Variants in CNTNAP2 observed in about 807,000 individuals in gnomAD.
CNTNAP2 encodes the protein contactin-associated protein-like 2.
A neutral mutation model predicts 155.2 loss-of-function variants in CNTNAP2; 98 were observed. The ratio of observed to expected loss-of-function variants is 0.63; its 90% CI spans 0.54 to 0.75. CNTNAP2 has a LOEUF of 0.75. Ranked by LOEUF, CNTNAP2 falls within the 30% of genes least tolerant of loss-of-function variation. CNTNAP2 has a pLI of 0.00. For missense variants in CNTNAP2, 1,727 were observed against 1,688.1 expected, an observed-to-expected ratio of 1.02 and a Z score of -0.40; for synonymous variants, 651 against 631.2, an observed-to-expected ratio of 1.03 and a Z score of -0.47.
chr7:148,232,430 A>G (rs544878342), intron 20 of CNTNAP2, among the ~76,000 whole-genome samples: 2 of 152,374 alleles, frequency 1.3e-5, no homozygotes, highest in Admixed American at 6.5e-5. Flanking sequence ...AAATGTTCAC[A>G]GTGATCATCT....
intron 3 of CNTNAP2, among the ~76,000 whole-genome samples, chr7:146,930,963 A>T (rs1305374187): frequency 7.3e-5 from 11 of 151,254 alleles, no homozygotes; most frequent in Non-Finnish European, 1.2e-4. Context: ...ACAAAGAGAC[A>T]TAGACTCCCA....
intron 3 of CNTNAP2, among the ~76,000 whole-genome samples, chr7:146,899,311 A>T (rs1319955263): frequency 6.6e-6 from 1 of 152,152 alleles, no homozygotes; most frequent in East Asian, 1.9e-4. Flanking sequence ...TGCCAACAAG[A>T]CAAGTTTATT....
intron 12 of CNTNAP2, among the ~76,000 whole-genome samples, chr7:147,589,535 T>C (rs1458999101): frequency 6.6e-6 from 1 of 152,168 alleles, no homozygotes; most frequent in Non-Finnish European, 1.5e-5. Flanking sequence ...CTTGATGTAC[T>C]TTGCATAGTT....
At chr7:148,405,584 G>A (rs979151692) in intron 22 of CNTNAP2, among the ~76,000 whole-genome samples, 37 of 135,060 alleles carry the variant, frequency 2.7e-4, no homozygotes, top group African/African-American at 9.5e-4. Flanking sequence ...CTACAGGCAC[G>A]TGCCACCATG....
At chr7:146,766,955 A>G (rs1003392657) in intron 1 of CNTNAP2, among the ~76,000 whole-genome samples, 2 of 152,198 alleles carry the variant, frequency 1.3e-5, no homozygotes, top group Non-Finnish European at 2.9e-5. Flanking sequence ...TAGTAAAAAG[A>G]AAAAAGGAAG....
chr7:146,968,381 A>G (rs1167744201), intron 3 of CNTNAP2, among the ~76,000 whole-genome samples: 2 of 150,694 alleles, frequency 1.3e-5, no homozygotes, highest in African/African-American at 4.9e-5. Flanking sequence ...TTTCAGAAGG[A>G]ATGGTACCAG....
At chr7:146,955,429 T>C (rs1285059235) in intron 3 of CNTNAP2, among the ~76,000 whole-genome samples, 1 of 151,970 alleles carries the variant, frequency 6.6e-6, no homozygotes, top group Non-Finnish European at 1.5e-5. Context: ...AATGCCCTGC[T>C]AATAGGAGTG....
chr7:147,306,443 G>C (rs73742534), intron 9 of CNTNAP2, among the ~76,000 whole-genome samples: 1 of 152,128 alleles, frequency 6.6e-6, no homozygotes, highest in African/African-American at 2.4e-5. Context: ...TAACCTCTGC[G>C]TAGGACCACG....
chr7:147,651,966 A>G (rs997080062), intron 13 of CNTNAP2, among the ~76,000 whole-genome samples: 1 of 152,156 alleles, frequency 6.6e-6, no homozygotes, highest in African/African-American at 2.4e-5. Flanking sequence ...TCTAACTTAC[A>G]GTTGAATCAA....
chr7:147,424,001 C>A (rs554997877), intron 10 of CNTNAP2, among the ~76,000 whole-genome samples: 12 of 152,266 alleles, frequency 7.9e-5, no homozygotes, highest in Admixed American at 1.3e-4. Flanking sequence ...TTCAGCATCT[C>A]CCTGGGGGGA....
At chr7:146,928,616 G>A (rs1322237280) in intron 3 of CNTNAP2, among the ~76,000 whole-genome samples, 1 of 152,214 alleles carries the variant, frequency 6.6e-6, no homozygotes, top group Non-Finnish European at 1.5e-5. Context: ...CCGTGCACGA[G>A]CCGAAGCAGG....
chr7:148,414,361 C>A (rs988274948), intron 23 of CNTNAP2, among the ~76,000 whole-genome samples: 3 of 152,082 alleles, frequency 2.0e-5, no homozygotes, highest in African/African-American at 7.2e-5. Flanking sequence ...ATTACAGGCG[C>A]GAGCCACTGC....
chr7:146,951,397 A>C (rs1797310757), intron 3 of CNTNAP2, among the ~76,000 whole-genome samples: 1 of 152,126 alleles, frequency 6.6e-6, no homozygotes, highest in Admixed American at 6.6e-5. Flanking sequence ...GGTATTGCCT[A>C]GGTTTTCTTC....
intron 13 of CNTNAP2, among the ~76,000 whole-genome samples, chr7:147,872,514 G>A (rs1799344590): frequency 6.6e-6 from 1 of 152,178 alleles, no homozygotes; most frequent in Admixed American, 6.5e-5. Context: ...AGCAAGATGG[G>A]CAAATCTGGA....
intron 14 of CNTNAP2, among the ~76,000 whole-genome samples, chr7:147,946,660 G>A (rs966772935): frequency 1.1e-4 from 17 of 152,002 alleles, no homozygotes; most frequent in Non-Finnish European, 1.9e-4. Flanking sequence ...AGTCGCTGAA[G>A]TCAAGCAGAA....
intron 1 of CNTNAP2, among the ~76,000 whole-genome samples, chr7:146,252,779 C>G (rs1584828878): frequency 6.6e-6 from 1 of 152,136 alleles, no homozygotes; most frequent in African/African-American, 2.4e-5. Context: ...ACTTAATAGT[C>G]CATAACAAAG....
chr7:147,758,413 G>A (rs952414614), intron 13 of CNTNAP2, among the ~76,000 whole-genome samples: 5 of 152,126 alleles, frequency 3.3e-5, no homozygotes, highest in Non-Finnish European at 7.3e-5. Flanking sequence ...TCTCCCCTAA[G>A]CTCTGGTTTA....
chr7:148,068,145 T>C (rs1002771670), intron 15 of CNTNAP2, among the ~76,000 whole-genome samples: 7 of 152,182 alleles, frequency 4.6e-5, no homozygotes, highest in African/African-American at 1.7e-4. Context: ...TGCTCATATC[T>C]ACACTTTCTG....
At chr7:146,896,365 A>C (rs772620079) in intron 3 of CNTNAP2, among the ~76,000 whole-genome samples, 33 of 151,914 alleles carry the variant, frequency 2.2e-4, no homozygotes, top group Non-Finnish European at 4.1e-4. Context: ...ACTAATCCTT[A>C]TTATCTCCAC....
Sources: allele counts gnomAD v4.1 joint callset (sites outside exome capture counted in the v4.1 genomes callset), GRCh38; gene constraint gnomAD v4.1.1; transcripts MANE v1.5; gene names NCBI Gene and HGNC (gene_info 2026-07-23, HGNC 2026-07-21).